The following CCNB2 variants were observed in gnomAD, a reference collection of about 807,000 sequenced individuals.
The protein encoded by CCNB2 is cyclin B2.
A neutral mutation model predicts 51.1 loss-of-function variants in CCNB2; 39 were observed. The observed-to-expected ratio is 0.76, with a 90% CI of 0.59 to 1.00. CCNB2 has a LOEUF of 1.00. Ranked by LOEUF, CCNB2 falls within the 50% of genes least tolerant of loss-of-function variation. The pLI is 0.00. For synonymous variants in CCNB2, 174 were observed against 165.5 expected (o/e 1.05, Z -0.40); for missense variants, 472 against 470.3 (o/e 1.00, Z -0.03).
rs1252753721 is a variant in CCNB2, at chr15:59,121,323, A to G, written c.976-2194A>G. The G allele has an allele frequency of 2.0e-5, 3 of 152,324 alleles. No homozygotes were observed. In the East Asian group the frequency reaches 5.8e-4, roughly 29 times the overall value. 9.4% of individuals were successfully genotyped at this position (152,324 alleles called of 1,614,324 possible). On this transcript the variant is annotated intron_variant, in intron 7 of 8. Coordinates refer to ENST00000288207, the MANE Select transcript of CCNB2 (RefSeq NM_004701.4). ...AGATTTGGAATTTTTTGAAATAAAT[A>G]AAACATTTGAGGCAAAAATGTCACT...
chr15:59,113,787 G>A (rs920421911), intron 3 of CCNB2, among the ~76,000 whole-genome samples: 1 of 152,094 alleles, frequency 6.6e-6, no homozygotes, highest in Non-Finnish European at 1.5e-5. Flanking sequence ...GTGCAGTGGC[G>A]TGATCTTGGC....
intron 7 of CCNB2, among the ~76,000 whole-genome samples, chr15:59,122,570 C>T (rs2079307722): frequency 7.1e-6 from 1 of 140,604 alleles, no homozygotes; most frequent in Non-Finnish European, 1.5e-5. Flanking sequence ...GACAGGGTCT[C>T]ACTGTGTTGC....
At chr15:59,122,240 T>C (rs2079305403) in intron 7 of CCNB2, among the ~76,000 whole-genome samples, 2 of 138,518 alleles carry the variant, frequency 1.4e-5, no homozygotes, top group African/African-American at 2.8e-5. Flanking sequence ...AGTTGACATA[T>C]CTTTTTTTTT....
At chr15:59,123,742 G>C in intron 8 of CCNB2, 115 bp downstream of exon 8, 1 of 659,726 alleles carries the variant, frequency 1.5e-6, no homozygotes, top group Non-Finnish European at 2.8e-6. Context: ...TAACATGTGG[G>C]AGTTTTAGCA....
intron 7 of CCNB2, among the ~76,000 whole-genome samples, chr15:59,120,114 A>G (rs149001149): frequency 4.6e-5 from 7 of 152,288 alleles, no homozygotes; most frequent in African/African-American, 1.7e-4. Flanking sequence ...AATAACAGCA[A>G]ATTCATAATA....
intron 7 of CCNB2, among the ~76,000 whole-genome samples, chr15:59,119,084 C>G (rs961866514): frequency 2.6e-5 from 4 of 152,136 alleles, no homozygotes; most frequent in Non-Finnish European, 5.9e-5. Flanking sequence ...GAGAGGACTT[C>G]TGATTGTAAC....
chr15:59,116,656 A>G (rs933938759), intron 5 of CCNB2, 34 bp from the exon 6 acceptor site: 1 of 1,442,530 alleles, frequency 6.9e-7, no homozygotes, highest in Non-Finnish European at 9.7e-7. Context: ...TCTTCTTGTT[A>G]GGTGTGACTT....
chr15:59,118,665 C>G (rs1466537316), intron 7 of CCNB2, among the ~76,000 whole-genome samples: 1 of 152,228 alleles, frequency 6.6e-6, no homozygotes, highest in East Asian at 1.9e-4. Flanking sequence ...GCCTGGCGGA[C>G]AGGGCGAGAC....
At chr15:59,114,357 C>T (rs948905179) in intron 3 of CCNB2, 87 bp from the exon 4 acceptor site, 18 of 910,566 alleles carry the variant, frequency 2.0e-5, no homozygotes, top group East Asian at 9.8e-5. Flanking sequence ...TTCAGATGTG[C>T]GTATGATATT....
intron 7 of CCNB2, among the ~76,000 whole-genome samples, chr15:59,121,883 C>T (rs770798701): frequency 3.2e-4 from 41 of 128,366 alleles, no homozygotes; most frequent in Non-Finnish European, 5.3e-4. Flanking sequence ...AGTGAGCAGA[C>T]ATTGCACCAC....
Position 59,105,529 on chromosome 15 carries a change from G to C in CCNB2, c.24+237G>C, listed in dbSNP as rs1201131281. 6.6e-5 allele frequency among the ~76,000 whole-genome samples: 10 copies of C among 152,230 alleles called. No homozygotes were observed. The East Asian group carries it at 1.9e-3, about 29-fold the overall frequency. ...CCTGCCCCGGGGTGGGAGAAGTGTA[G>C]GAAAGCGCTTCCGAGATGGCGCCTG... is the stretch of plus-strand genomic sequence containing the variant. On this transcript the variant is annotated intron_variant, in intron 1 of 8. Transcript: ENST00000288207.
chr15:59,124,746 A>G, intron 8 of CCNB2, 21 bp from the exon 9 acceptor site: 1 of 1,555,794 alleles, frequency 6.4e-7, no homozygotes, highest in Non-Finnish European at 8.9e-7. Context: ...ACATGTGCTT[A>G]ATCACAAATG....
At chr15:59,124,492 C>T in intron 8 of CCNB2, 1 of 430,544 alleles carries the variant, frequency 2.3e-6, no homozygotes, top group Non-Finnish European at 4.2e-6. Context: ...CCTCCCATCC[C>T]TCTGGTAGCC....
chr15:59,107,513 A>G (rs2079240699), intron 2 of CCNB2, 44 bp from the exon 3 acceptor site: 2 of 1,613,714 alleles, frequency 1.2e-6, no homozygotes, highest in Non-Finnish European at 1.7e-6. Context: ...TGAGTCCCAC[A>G]ACGCTGGCTG....
At chr15:59,105,454 C>T (rs2079231642) in intron 1 of CCNB2, among the ~76,000 whole-genome samples, 162 bp downstream of exon 1, 1 of 152,254 alleles carries the variant, frequency 6.6e-6, no homozygotes, top group Non-Finnish European at 1.5e-5. Flanking sequence ...GCGGCCGGTC[C>T]TCTCCGGCCC....
Position 59,116,945 on chromosome 15 carries a change from G to A in CCNB2, c.834+19G>A. The A allele has an allele frequency of 1.9e-6, 3 of 1,577,538 alleles. No individual in the cohort carries two copies. The highest frequency in any genetic ancestry group is 2.2e-5 in the East Asian group (1 of 44,584). ...CGGGGAGGTAAGTGCCTCCAGCTCT[G>A]TAAGAGACTATTTTTGCTTGGTGTC... On this transcript the variant is annotated intron_variant, in intron 6 of 8. Transcript: ENST00000288207.
At chr15:59,112,867 T>C (rs953607644) in intron 3 of CCNB2, among the ~76,000 whole-genome samples, 2 of 151,608 alleles carry the variant, frequency 1.3e-5, no homozygotes, top group South Asian at 4.2e-4. Context: ...ACCCCGTCTC[T>C]ACTAAAAATA....
Position 59,114,602 on chromosome 15 carries a change from C to T in CCNB2, c.426C>T (p.Leu142=). The T allele has an allele frequency of 6.3e-7, 1 of 1,593,646 alleles. No homozygotes were observed. Among genetic ancestry groups the T allele is most frequent in the Non-Finnish European group, 8.6e-7 (1 of 1,166,514 alleles). The part of the protein sequence containing the change: ...SDYVKDIYQY[L]RQLEVLQSIN... The stretch of plus-strand genomic sequence containing the variant: ...ACGTTAAGGATATCTATCAGTATCT[C>T]AGGCAGCTGGAGGTAGGTGGGCCTT... Residue 142 remains leucine, a synonymous_variant, in exon 4 of 9, where the codon CTC becomes CTT. Coordinates refer to ENST00000288207, the MANE Select transcript of CCNB2 (RefSeq NM_004701.4).
intron 7 of CCNB2, among the ~76,000 whole-genome samples, chr15:59,118,083 C>T (rs144286488): frequency 3.3e-5 from 5 of 152,308 alleles, no homozygotes; most frequent in African/African-American, 9.6e-5. Flanking sequence ...TTAGATATTA[C>T]GTTAAGTGAA....
Sources: gnomAD v4.1 joint callset for allele counts (sites outside exome capture counted in the v4.1 genomes callset) on GRCh38, gnomAD v4.1.1 for gene constraint, MANE v1.5 for transcripts, NCBI Gene and HGNC (gene_info 2026-07-23, HGNC 2026-07-21) for gene names.